The following CSGALNACT1 variants were observed in gnomAD, a reference collection of about 807,000 sequenced individuals.
CSGALNACT1 encodes chondroitin sulfate N-acetylgalactosaminyltransferase 1, also known as beta4GalNAcT-1.
CSGALNACT1 carries 52 observed loss-of-function variants against 51.0 expected under a neutral mutation model. That is an observed-to-expected ratio of 1.02 (90% CI 0.82 to 1.29). The LOEUF (loss-of-function observed/expected upper bound fraction) is 1.29, where lower values mean the gene tolerates loss of function less well. CSGALNACT1 is among the 50% of genes most tolerant of loss of function. The pLI is 0.00. For synonymous variants in CSGALNACT1, 341 were observed against 254.4 expected, an observed-to-expected ratio of 1.34 and a Z score of -3.24; for missense variants, 935 against 679.2, an observed-to-expected ratio of 1.38 and a Z score of -4.19.
intron 3 of CSGALNACT1, among the ~76,000 whole-genome samples, chr8:19,575,033 C>CA (rs969132530): frequency 0.014 from 1,955 of 136,734 alleles, 25 homozygotes; most frequent in African/African-American, 0.037. Flanking sequence ...GACTCCGTCT[C>CA]AAAAAAAAAA....
chr8:19,430,885 A>G (rs2059556556), intron 6 of CSGALNACT1, among the ~76,000 whole-genome samples: 1 of 152,168 alleles, frequency 6.6e-6, no homozygotes, highest in Non-Finnish European at 1.5e-5. Flanking sequence ...TTTTCAGCAT[A>G]AAATTCTTGC....
rs768345855 is a variant in CSGALNACT1, at chr8:19,476,118, T to C, written c.635-17476A>G. ...GTACCTCTCTAAAGAATAAAAACAATTGAATAAGATGTCAACTGAATATGG... is the reference window on the plus strand; with the variant it reads ...GTACCTCTCTAAAGAATAAAAACAACTGAATAAGATGTCAACTGAATATGG... On this transcript the variant is annotated intron_variant, in intron 4 of 9. Coordinates refer to ENST00000454498, the Ensembl canonical transcript of CSGALNACT1. Among the ~76,000 whole-genome samples the C allele has an allele frequency of 3.9e-5, 6 of 152,180 alleles. No individual in the cohort carries two copies. The East Asian group carries it at 5.8e-4, about 15-fold the overall frequency.
Position 19,523,350 on chromosome 8 carries a change from G to A in CSGALNACT1, c.-296-17220C>T, listed in dbSNP as rs115409067. 9.1e-3 allele frequency among the ~76,000 whole-genome samples: 1,390 copies of A among 152,288 alleles called. 26 individuals are homozygous for A. The highest frequency in any genetic ancestry group is 0.032 in the African/African-American group (1,319 of 41,554). ...CGCGATCATGGGTCACTGCAGTCTT[G>A]AACTCCAGGACTCAAGCCATCCTCC... On this transcript the variant is annotated intron_variant, in intron 3 of 9. Transcript: ENST00000454498.
At chr8:19,643,242 G>C (rs978288602) in intron 1 of CSGALNACT1, among the ~76,000 whole-genome samples, 1 of 151,962 alleles carries the variant, frequency 6.6e-6, no homozygotes, top group Admixed American at 6.6e-5. Flanking sequence ...TAACCAACTA[G>C]GACAATGCTT....
chr8:19,452,418 GAAA>G (rs58527794), intron 5 of CSGALNACT1, among the ~76,000 whole-genome samples: 11 of 146,558 alleles, frequency 7.5e-5, no homozygotes, highest in South Asian at 4.3e-4. Context: ...ACCCCTGGGG[GAAA>G]AAAAAAAAAA....
At chr8:19,404,273 AAC>A (rs1449589066) in exon 10 of CSGALNACT1, 1 of 443,294 alleles carries the variant, frequency 2.3e-6, no homozygotes, top group South Asian at 1.6e-5. Flanking sequence ...TGCATTTTTT[AAC>A]ACACCAACAG....
intron 8 of CSGALNACT1, among the ~76,000 whole-genome samples, chr8:19,410,333 A>G (rs182248243): frequency 3.5e-4 from 53 of 152,332 alleles, no homozygotes; most frequent in Admixed American, 1.0e-3. Flanking sequence ...AAAGTCTGGA[A>G]AAGTCTCCAC....
In CSGALNACT1 at chr8:19,656,155, A is replaced by T. The variant is rs528926826; in HGVS notation, c.-544+26318T>A. Among the ~76,000 whole-genome samples, 7 of 152,332 alleles carry T rather than the reference A, an allele frequency of 4.6e-5. No individual in the cohort carries two copies. The East Asian group carries it at 1.3e-3, about 29-fold the overall frequency. On this transcript the variant is annotated intron_variant, in intron 1 of 9. Transcript: ENST00000332246. ...TTATGAAAAGTTTCTGACCAATAGC[A>T]ACAAAGTGTCTGAAGATAGGATTGC...
At chr8:19,725,425 CTTTTTTT>C (rs749829348) in intron 1 of CSGALNACT1, among the ~76,000 whole-genome samples, 37 of 136,140 alleles carry the variant, frequency 2.7e-4, no homozygotes, top group East Asian at 1.1e-3. Context: ...TTTCTTTTTT[CTTTTTTT>C]TTTTTTTTTG....
At chr8:19,696,357 G>A (rs12056388) in intron 1 of CSGALNACT1, among the ~76,000 whole-genome samples, 115,525 of 152,188 alleles carry the variant, frequency 0.76, 43,990 homozygotes, top group East Asian at 0.85. Flanking sequence ...CCAACTCTTC[G>A]TTCCAGGGAT....
exon 4 of CSGALNACT1, chr8:19,505,799 A>G: frequency 6.2e-7 from 1 of 1,613,598 alleles, no homozygotes; most frequent in Non-Finnish European, 8.5e-7. Context: ...CCACCCGGGA[A>G]ATCCACGCAA....
intron 3 of CSGALNACT1, among the ~76,000 whole-genome samples, chr8:19,546,519 C>G (rs2086515181): frequency 6.6e-6 from 1 of 152,106 alleles, no homozygotes; most frequent in Non-Finnish European, 1.5e-5. Context: ...AAGGATGGAA[C>G]ACAAAGCTAA....
intron 8 of CSGALNACT1, among the ~76,000 whole-genome samples, chr8:19,409,742 C>A (rs1459698796): frequency 6.6e-6 from 1 of 152,184 alleles, no homozygotes; most frequent in Non-Finnish European, 1.5e-5. Flanking sequence ...TTGGGGACAT[C>A]TGGTTCTGTT....
chr8:19,405,770 C>T, exon 10 of CSGALNACT1: 1 of 1,614,128 alleles, frequency 6.2e-7, no homozygotes, highest in South Asian at 1.1e-5. Flanking sequence ...CACAATCCTT[C>T]TCTGGGAGTT....
intron 5 of CSGALNACT1, among the ~76,000 whole-genome samples, chr8:19,445,289 T>G (rs1012912477): frequency 6.6e-6 from 1 of 152,198 alleles, no homozygotes; most frequent in Non-Finnish European, 1.5e-5. Flanking sequence ...CCAGAAAAAT[T>G]GCTTGAAATT....
At chr8:19,510,587 C>T (rs182768795) in intron 3 of CSGALNACT1, among the ~76,000 whole-genome samples, 4 of 152,114 alleles carry the variant, frequency 2.6e-5, no homozygotes, top group African/African-American at 9.7e-5. Context: ...GAGGAACTAA[C>T]GTCCTTTCAA....
intron 1 of CSGALNACT1, among the ~76,000 whole-genome samples, chr8:19,650,196 A>C (rs1005934291): frequency 6.6e-6 from 1 of 152,228 alleles, no homozygotes; most frequent in African/African-American, 2.4e-5. Context: ...CAGGCAATAC[A>C]TAAAACTAAA....
At chr8:19,747,120 A>C (rs1366974040) in intron 1 of CSGALNACT1, among the ~76,000 whole-genome samples, 2 of 152,172 alleles carry the variant, frequency 1.3e-5, no homozygotes, top group Admixed American at 1.3e-4. Flanking sequence ...AAAGTGCAAA[A>C]AGTCACTGGT....
chr8:19,520,945 A>G (rs1587749598), intron 3 of CSGALNACT1, among the ~76,000 whole-genome samples: 1 of 152,270 alleles, frequency 6.6e-6, no homozygotes, highest in East Asian at 1.9e-4. Context: ...GCTTCTCTAC[A>G]ATCTACAGAG....
Sources: gnomAD v4.1 joint callset for allele counts (sites outside exome capture counted in the v4.1 genomes callset) on GRCh38, gnomAD v4.1.1 for gene constraint, MANE v1.5 for transcripts, NCBI Gene and HGNC (gene_info 2026-07-23, HGNC 2026-07-21) for gene names.